The following POLE variants were observed in gnomAD, a reference collection of about 807,000 sequenced individuals.
POLE encodes DNA polymerase epsilon, catalytic subunit, also known as DNA polymerase epsilon catalytic subunit A.
In POLE, 188 loss-of-function variants were observed where a neutral mutation model predicts 279.2. The observed-to-expected ratio is 0.67, with a 90% confidence interval of 0.60 to 0.76. POLE has a LOEUF of 0.76. POLE is among the 30% of genes least tolerant of loss of function. The probability of loss-of-function intolerance (pLI) is 0.00; values close to 1 mark genes in which losing one functional copy is unlikely to be tolerated. For missense variants in POLE, 2,703 were observed against 3,016.7 expected (o/e 0.90, Z 2.44); for synonymous variants, 1,214 against 1,172.5 (o/e 1.04, Z -0.72).
At chr12:132,659,535 C>G (rs2138679687) in intron 25 of POLE, 26 bp from the exon 26 acceptor site, 1 of 1,595,628 alleles carries the variant, frequency 6.3e-7, no homozygotes, top group Non-Finnish European at 8.6e-7. Context: ...GGGTAAAACA[C>G]TGCAGAAATC....
chr12:132,668,429 T>C lies in POLE; in HGVS notation c.2100A>G (p.Pro700=). The change falls in exon 19 of 49, where the codon CCA becomes CCG. Residue 700 remains proline (P), a synonymous_variant. Coordinates refer to ENST00000320574, the MANE Select transcript of POLE (RefSeq NM_006231.4). This position sits in a 1 kb window ranked among gnomAD's most constrained non-coding sequence, Gnocchi z 4.0. ...CATGAAAGGCCCGAGCTGGCCCCTC[T>C]GGGAACAAGGGGGGGAACTTCTCTG... ...LESEKFPPLF[P]EGPARAFHEL... is the part of the protein sequence containing the mutation. 6.2e-7 allele frequency: 1 copy of C among 1,612,676 alleles called. No homozygotes were observed. Among genetic ancestry groups the C allele is most frequent in the East Asian group, 2.2e-5 (1 of 44,810 alleles).
intron 1 of POLE, among the ~76,000 whole-genome samples, chr12:132,682,376 C>T (rs1455451988): frequency 2.6e-5 from 4 of 151,714 alleles, no homozygotes; most frequent in Non-Finnish European, 4.4e-5. Context: ...CCCAGCTACT[C>T]AGGAGGCTGA....
rs2042858731 is a variant in POLE, at chr12:132,668,845, A to G, written c.1889T>C (p.Met630Thr). 6.2e-7 allele frequency: 1 copy of G among 1,614,152 alleles called. No individual in the cohort carries two copies. Among genetic ancestry groups the G allele is most frequent in the Non-Finnish European group, 8.5e-7 (1 of 1,180,000 alleles). ...GTTGGTCAGGATGATGTTGGGGTAC[A>G]TGGCCCCCACGTCCAGGTGGTAGAT... ...PLIYHLDVGA[M>T]YPNIILTNRL... Residue 630 changes from methionine (M) to threonine (T), a missense_variant, in exon 17 of 49, where the codon ATG becomes ACG. Met to Thr is a moderately conservative substitution (Grantham distance 81, BLOSUM62 -1). This residue lies in a region of POLE where 1,011 missense variants were observed against 1,111.7 expected (regional missense o/e 0.91). Transcript: ENST00000320574. This position sits in a 1 kb window ranked among gnomAD's most constrained non-coding sequence, Gnocchi z 4.0.
intron 6 of POLE, 97 bp downstream of exon 6, chr12:132,679,400 C>G (rs2043119408): frequency 2.4e-6 from 3 of 1,225,478 alleles, no homozygotes; most frequent in Non-Finnish European, 3.5e-6. Context: ...TCAAACAGAG[C>G]CAGCCATTAA....
chr12:132,657,111 C>T (rs771622944), intron 29 of POLE, 25 bp downstream of exon 29: 3 of 1,612,738 alleles, frequency 1.9e-6, no homozygotes, highest in Non-Finnish European at 2.5e-6. Flanking sequence ...TCCCGCCCAG[C>T]CCAGCCTTGG....
At chr12:132,671,201 T>G (rs2042919815) in intron 16 of POLE, among the ~76,000 whole-genome samples, 1 of 139,322 alleles carries the variant, frequency 7.2e-6, no homozygotes, top group Non-Finnish European at 1.5e-5. Context: ...AGGCAAAGGT[T>G]GCAGTAAGCC....
At chr12:132,676,447 A>T in intron 9 of POLE, 99 bp downstream of exon 9, 1 of 834,390 alleles carries the variant, frequency 1.2e-6, no homozygotes, top group Non-Finnish European at 2.0e-6. Flanking sequence ...CTCATTATTC[A>T]CTCAACAAAT....
chr12:132,650,936 C>T (rs994042871), intron 29 of POLE: 1 of 137,560 alleles, frequency 7.3e-6, no homozygotes, highest in Non-Finnish European at 1.5e-5. Context: ...AGCGCAATGG[C>T]ACGATCTCAT....
In POLE at chr12:132,646,227, GCA is replaced by G. The variant is rs1420838819; in HGVS notation, c.4150-2252_4150-2251del. 3.9e-5 allele frequency among the ~76,000 whole-genome samples: 6 copies of G among 152,248 alleles called. No homozygotes were observed. In the East Asian group the frequency reaches 1.2e-3, roughly 29 times the overall value. On this transcript the variant is annotated intron_variant, in intron 32 of 48. Coordinates refer to ENST00000320574, the MANE Select transcript of POLE (RefSeq NM_006231.4). ...AATATGAAGTTCTAGAAAGTCACAT[GCA>G]CACAGTTACAGAAATACAGAAATCA...
intron 16 of POLE, among the ~76,000 whole-genome samples, chr12:132,671,773 AAC>A (rs1332239929): frequency 6.6e-6 from 1 of 152,014 alleles, no homozygotes; most frequent in East Asian, 1.9e-4. Context: ...CCAGTCACAT[AAC>A]ACACTTTGTA....
intron 20 of POLE, among the ~76,000 whole-genome samples, chr12:132,666,185 C>T (rs1309746715): frequency 6.6e-6 from 1 of 152,308 alleles, no homozygotes; most frequent in Middle Eastern, 3.4e-3. Flanking sequence ...AAGTGCACGT[C>T]GGTGTATGAA....
intron 29 of POLE, among the ~76,000 whole-genome samples, chr12:132,652,070 G>C (rs1316065047): frequency 6.6e-6 from 1 of 152,174 alleles, no homozygotes; most frequent in Non-Finnish European, 1.5e-5. Context: ...GTTTGTGTGT[G>C]TTGACTTCCT....
chr12:132,649,802 C>A lies in POLE; in HGVS notation c.3670G>T (p.Ala1224Ser), dbSNP rs369338222. Residue 1224 changes from alanine (A) to serine (S), a missense_variant, in exon 30 of 49, where the codon GCA becomes TCA. By Grantham distance (99) the Ala-to-Ser change is moderately conservative. This residue lies in a region of POLE where 1,551 missense variants were observed against 1,686.1 expected (regional missense o/e 0.92). Coordinates refer to ENST00000320574, the MANE Select transcript of POLE (RefSeq NM_006231.4). ...DFGLVKLPHP[A>S]APVTVKRKRV... ...TTCCTCTTCACAGTGACAGGGGCTGCTGGGTGAGGCAGCTTTACGAGGCCG... is the reference window on the plus strand; with the variant it reads ...TTCCTCTTCACAGTGACAGGGGCTGATGGGTGAGGCAGCTTTACGAGGCCG... 283 of 1,614,088 alleles carry A rather than the reference C, an allele frequency of 1.8e-4. No individual in the cohort carries two copies. Among genetic ancestry groups the A allele is most frequent in the Non-Finnish European group, 2.3e-4 (272 of 1,180,056 alleles).
chr12:132,662,571 G>A (rs747164068), intron 23 of POLE, among the ~76,000 whole-genome samples: 1 of 152,134 alleles, frequency 6.6e-6, no homozygotes, highest in Non-Finnish European at 1.5e-5. Context: ...CACTATGAGA[G>A]ACTGGAAGCT....
chr12:132,659,040 T>C (rs879408346), intron 26 of POLE, among the ~76,000 whole-genome samples: 10 of 152,234 alleles, frequency 6.6e-5, no homozygotes, highest in Non-Finnish European at 1.3e-4. Context: ...ATTCAACCCT[T>C]TGAACTCTGG....
At position 132,659,257 on chromosome 12, in the gene POLE, AGGAGCCCTCACCTCTCCGTGATGGGG is replaced by A. The variant is rs1057517627; in HGVS notation, c.3275+12_3275+37del. The A allele has an allele frequency of 1.9e-4, 295 of 1,578,878 alleles. 2 individuals carry two copies. The highest frequency in any genetic ancestry group is 1.1e-4 in the African/African-American group (8 of 70,408). On this transcript the variant is annotated intron_variant, in intron 26 of 48. Transcript: ENST00000320574. ...GGAGCCCTCACCTGTCCGTGATGGG[AGGAGCCCTCACCTCTCCGTGATGGGG>A]GGAGCCCTCACCTCTCCGTGACAGG...
Position 132,665,457 on chromosome 12 carries a change from A to C in POLE, c.2320-7T>G. On this transcript the variant is annotated splice_polypyrimidine_tract_variant and splice_region_variant and intron_variant, in intron 20 of 48. Transcript: ENST00000320574. ...AGAGCTTCTTTTTCCACACCTGAGA[A>C]GCACATGAACATGGAGCACCTCACA... is the stretch of plus-strand genomic sequence containing the variant. 6.2e-7 allele frequency: 1 copy of C among 1,606,736 alleles called. No homozygotes were observed. The highest frequency in any genetic ancestry group is 8.5e-7 in the Non-Finnish European group (1 of 1,177,512).
At chr12:132,631,052 G>A (rs1209082627) in intron 45 of POLE, among the ~76,000 whole-genome samples, 3 of 152,216 alleles carry the variant, frequency 2.0e-5, no homozygotes, top group Admixed American at 1.3e-4. Flanking sequence ...TGAAAGCAAC[G>A]CAAATGTCCT....
intron 39 of POLE, chr12:132,641,102 C>A: frequency 2.2e-6 from 1 of 456,396 alleles, no homozygotes; most frequent in South Asian, 1.6e-5. Context: ...TAACCGCTCC[C>A]CGTCCCTGGG....
Sources: gnomAD v4.1 joint callset for allele counts (sites outside exome capture counted in the v4.1 genomes callset) on GRCh38, gnomAD v4.1.1 for gene constraint, gnomAD v4.1.1 regional missense constraint, Gnocchi (gnomAD v3.1) non-coding constraint, MANE v1.5 for transcripts, NCBI Gene and HGNC (gene_info 2026-07-23, HGNC 2026-07-21) for gene names.